PSD3: variants seen among roughly 807,000 people sequenced by gnomAD.
PSD3 encodes PH and SEC7 domain-containing protein 3.
Under a neutral mutation model 105.5 loss-of-function variants are expected in PSD3, and 49 were observed. The ratio of observed to expected loss-of-function variants is 0.46; its 90% CI spans 0.37 to 0.59. PSD3 has a LOEUF of 0.59. PSD3 is among the 20% of genes least tolerant of loss of function. The pLI is 0.00. For missense variants in PSD3, 1,561 were observed against 1,263.8 expected, an observed-to-expected ratio of 1.24 and a Z score of -3.57; for synonymous variants, 557 against 457.8, an observed-to-expected ratio of 1.22 and a Z score of -2.77.
Position 18,916,505 on chromosome 8 carries a change from C to A in PSD3, c.130+19529G>T, listed in dbSNP as rs141519333. Among the ~76,000 whole-genome samples, 152 of 151,766 alleles carry A rather than the reference C, an allele frequency of 1.0e-3. 2 individuals are homozygous for A. Among genetic ancestry groups the A allele is most frequent in the African/African-American group, 3.5e-3 (145 of 41,374 alleles). On this transcript the variant is annotated intron_variant, in intron 2 of 15. Coordinates refer to ENST00000327040, the MANE Select transcript of PSD3 (RefSeq NM_015310.4). ...CACAGAATGACAAATACTGCACGAT[C>A]TTATTTACGTGCACAATCTTAAAAT...
At chr8:18,754,009 T>C (rs1037233757) in intron 9 of PSD3, among the ~76,000 whole-genome samples, 2 of 152,174 alleles carry the variant, frequency 1.3e-5, no homozygotes, top group African/African-American at 4.8e-5. Context: ...CTACTGCCCC[T>C]CTATCTGAGG....
At chr8:19,075,109 C>A (rs1829423842) in intron 1 of PSD3, among the ~76,000 whole-genome samples, 1 of 151,712 alleles carries the variant, frequency 6.6e-6, no homozygotes, top group African/African-American at 2.4e-5. Context: ...CCATGCCCGG[C>A]TAATATTTTT....
chr8:18,860,750 A>G (rs1228706481), intron 4 of PSD3, among the ~76,000 whole-genome samples: 4 of 152,192 alleles, frequency 2.6e-5, no homozygotes, highest in Non-Finnish European at 5.9e-5. Flanking sequence ...GCTAAGATGA[A>G]TATCACTTCC....
chr8:18,903,006 C>A (rs1336479404), intron 2 of PSD3, among the ~76,000 whole-genome samples: 1 of 152,104 alleles, frequency 6.6e-6, no homozygotes, highest in Non-Finnish European at 1.5e-5. Flanking sequence ...GTCCTAGGCT[C>A]AGAATCTTGT....
At chr8:18,774,957 G>T (rs1283696954) in intron 8 of PSD3, 1 of 456,148 alleles carries the variant, frequency 2.2e-6, no homozygotes, top group East Asian at 7.0e-5. Context: ...TGCCCCGAGG[G>T]AAAGAGAAAA....
At chr8:18,605,131 C>T (rs1332927878) in intron 11 of PSD3, among the ~76,000 whole-genome samples, 1 of 152,098 alleles carries the variant, frequency 6.6e-6, no homozygotes, top group Non-Finnish European at 1.5e-5. Context: ...AATGGTAGAG[C>T]CACTGACAGC....
Position 18,777,551 on chromosome 8 carries a change from T to C in PSD3, c.2083-12013A>G, listed in dbSNP as rs1053942981. Among the ~76,000 whole-genome samples, 5 of 152,202 alleles carry C rather than the reference T, an allele frequency of 3.3e-5. No individual in the cohort carries two copies. The East Asian group carries it at 9.6e-4, about 29-fold the overall frequency. ...AGTTTAAGAAAACATTAACACATAA[T>C]AACTATACATATTTATGGGGTACAT... On this transcript the variant is annotated intron_variant, in intron 8 of 15. Transcript: ENST00000327040.
chr8:18,617,254 G>C (rs1166175298), intron 11 of PSD3, among the ~76,000 whole-genome samples: 1 of 152,024 alleles, frequency 6.6e-6, no homozygotes, highest in East Asian at 1.9e-4. Flanking sequence ...CTACTGGCCG[G>C]GCATGGTCGC....
chr8:18,549,274 C>T (rs989792449), intron 15 of PSD3, among the ~76,000 whole-genome samples: 18 of 150,600 alleles, frequency 1.2e-4, no homozygotes, highest in African/African-American at 3.7e-4. Context: ...CTCTGCCTCC[C>T]GGGTTCAAGT....
intron 2 of PSD3, among the ~76,000 whole-genome samples, chr8:18,920,706 C>T (rs1450105279): frequency 5.3e-5 from 8 of 152,110 alleles, no homozygotes; most frequent in Non-Finnish European, 8.8e-5. Flanking sequence ...ACATTCGAGG[C>T]CATACAGAAT....
intron 9 of PSD3, among the ~76,000 whole-genome samples, chr8:18,712,132 G>C (rs1053634932): frequency 6.6e-6 from 1 of 152,064 alleles, no homozygotes; most frequent in African/African-American, 2.4e-5. Flanking sequence ...GCAATGTTAA[G>C]AGGGACATTT....
At chr8:18,573,378 G>A (rs973085906) in intron 13 of PSD3, among the ~76,000 whole-genome samples, 6 of 152,142 alleles carry the variant, frequency 3.9e-5, no homozygotes, top group African/African-American at 1.2e-4. Flanking sequence ...GCTGAGGCAG[G>A]AGAATCACTT....
chr8:18,978,666 AC>A (rs1825085008), intron 1 of PSD3, among the ~76,000 whole-genome samples: 1 of 152,056 alleles, frequency 6.6e-6, no homozygotes, highest in African/African-American at 2.4e-5. Context: ...GAATGTTCCC[AC>A]ACCTCAACCA....
chr8:18,830,551 T>C (rs1434131977), intron 4 of PSD3, among the ~76,000 whole-genome samples: 1 of 152,230 alleles, frequency 6.6e-6, no homozygotes, highest in Non-Finnish European at 1.5e-5. Context: ...TCTTCTGTCA[T>C]TCAAAGCAGA....
intron 9 of PSD3, among the ~76,000 whole-genome samples, chr8:18,715,675 T>C (rs147046120): frequency 4.1e-4 from 62 of 152,342 alleles, no homozygotes; most frequent in African/African-American, 1.3e-3. Context: ...TGTTATAATC[T>C]ATGGCAGGCA....
chr8:18,720,541 A>G (rs1802899854), intron 9 of PSD3, among the ~76,000 whole-genome samples: 1 of 152,244 alleles, frequency 6.6e-6, no homozygotes, highest in South Asian at 2.1e-4. Flanking sequence ...GGCAAGAATT[A>G]GAAGATCTTG....
intron 9 of PSD3, among the ~76,000 whole-genome samples, chr8:18,707,993 C>T (rs1802003768): frequency 6.6e-6 from 1 of 152,204 alleles, no homozygotes; most frequent in African/African-American, 2.4e-5. Context: ...TCCTTCTCTG[C>T]TCTTGTACCA....
chr8:19,010,827 G>A (rs778663982), intron 1 of PSD3, among the ~76,000 whole-genome samples: 1 of 151,980 alleles, frequency 6.6e-6, no homozygotes, highest in Non-Finnish European at 1.5e-5. Context: ...GAACTAGGAA[G>A]AACTGAGAGG....
chr8:19,064,225 T>C (rs1828996701), intron 1 of PSD3, among the ~76,000 whole-genome samples: 1 of 152,308 alleles, frequency 6.6e-6, no homozygotes, highest in South Asian at 2.1e-4. Context: ...AATTAAGCTT[T>C]AACAGCATGT....
Sources: gnomAD v4.1 joint callset for allele counts (sites outside exome capture counted in the v4.1 genomes callset) on GRCh38, gnomAD v4.1.1 for gene constraint, MANE v1.5 for transcripts, NCBI Gene and HGNC (gene_info 2026-07-23, HGNC 2026-07-21) for gene names.